The following RPRD2 variants were observed in gnomAD, a reference collection of about 807,000 sequenced individuals.
The protein encoded by RPRD2 is regulation of nuclear pre-mRNA domain containing 2, also known as regulation of nuclear pre-mRNA domain-containing protein 2.
Under a neutral mutation model 104.4 loss-of-function variants are expected in RPRD2, and 12 were observed. That is an observed-to-expected ratio of 0.11 (90% CI 0.07 to 0.19). The LOEUF is 0.19. Among genes scored for constraint, RPRD2 ranks in the 10% least tolerant of loss-of-function variants. The probability of loss-of-function intolerance (pLI) is 1.00; values close to 1 mark genes in which losing one functional copy is unlikely to be tolerated. For synonymous variants in RPRD2, 714 were observed against 684.9 expected (o/e 1.04, Z -0.66); for missense variants, 1,543 against 1,790.1 (o/e 0.86, Z 2.49).
At chr1:150,450,126 A>G (rs34933405) in intron 7 of RPRD2, among the ~76,000 whole-genome samples, 33,724 of 152,036 alleles carry the variant, frequency 0.22, 4,246 homozygotes, top group African/African-American at 0.32. Context: ...GAAAGAGTTC[A>G]ATTTTCTGGT....
intron 2 of RPRD2, among the ~76,000 whole-genome samples, chr1:150,421,517 AT>A (rs1466681112): frequency 2.6e-5 from 4 of 152,116 alleles, no homozygotes; most frequent in South Asian, 2.1e-4. Flanking sequence ...ATCCAAGGTA[AT>A]TTTTTTTAAG....
At chr1:150,407,505 G>A (rs1390682359) in intron 1 of RPRD2, among the ~76,000 whole-genome samples, 5 of 152,138 alleles carry the variant, frequency 3.3e-5, no homozygotes, top group African/African-American at 1.2e-4. Flanking sequence ...TCAGCCTAAC[G>A]TATGTGACCA....
intron 1 of RPRD2, among the ~76,000 whole-genome samples, chr1:150,416,479 T>C (rs1259709376): frequency 3.3e-5 from 5 of 152,046 alleles, no homozygotes; most frequent in African/African-American, 7.2e-5. Flanking sequence ...ATCATCCATA[T>C]AGACATTGAA....
intron 1 of RPRD2, among the ~76,000 whole-genome samples, chr1:150,376,582 GC>G (rs1199456559): frequency 1.3e-5 from 2 of 150,934 alleles, no homozygotes; most frequent in Admixed American, 1.3e-4. Flanking sequence ...CTCACTGCAA[GC>G]TCCGCCTCCC....
At chr1:150,446,951 T>G (rs941124332) in intron 7 of RPRD2, among the ~76,000 whole-genome samples, 4 of 150,858 alleles carry the variant, frequency 2.7e-5, no homozygotes, top group Non-Finnish European at 5.9e-5. Flanking sequence ...TTCTCCTGCC[T>G]TAGCCCCGCT....
At chr1:150,436,494 C>T (rs782652492) in intron 2 of RPRD2, among the ~76,000 whole-genome samples, 8 of 151,738 alleles carry the variant, frequency 5.3e-5, no homozygotes, top group Non-Finnish European at 4.4e-5. Context: ...CCAGCTACTC[C>T]GGAGGCTGAG....
intron 2 of RPRD2, among the ~76,000 whole-genome samples, chr1:150,425,138 C>T (rs587608094): frequency 6.6e-6 from 1 of 152,198 alleles, no homozygotes; most frequent in East Asian, 1.9e-4. Flanking sequence ...AGTAATAGTA[C>T]ATACTTCATA....
intron 1 of RPRD2, among the ~76,000 whole-genome samples, chr1:150,374,563 C>CA (rs1660560306): frequency 1.3e-5 from 2 of 152,096 alleles, no homozygotes; most frequent in South Asian, 4.2e-4. Flanking sequence ...ACTGAGCACT[C>CA]AGTCTGTGGG....
intron 1 of RPRD2, among the ~76,000 whole-genome samples, chr1:150,371,995 A>T (rs1015177530): frequency 1.4e-5 from 2 of 147,292 alleles, no homozygotes; most frequent in African/African-American, 2.7e-5. Flanking sequence ...TTGATTAATT[A>T]AAAAAAGGGA....
intron 1 of RPRD2, among the ~76,000 whole-genome samples, chr1:150,373,365 A>G (rs1481871353): frequency 2.0e-5 from 3 of 151,916 alleles, no homozygotes; most frequent in African/African-American, 2.4e-5. Context: ...AGGGATACCA[A>G]TTAGATGGCT....
intron 1 of RPRD2, among the ~76,000 whole-genome samples, chr1:150,390,512 T>A (rs1553882952): frequency 6.6e-6 from 1 of 150,696 alleles, no homozygotes; most frequent in African/African-American, 2.4e-5. Context: ...AATAAATAAA[T>A]AAATAAATAA....
At chr1:150,442,204 T>C (rs1388870359) in intron 4 of RPRD2, among the ~76,000 whole-genome samples, 2 of 151,430 alleles carry the variant, frequency 1.3e-5, no homozygotes, top group Non-Finnish European at 2.9e-5. Flanking sequence ...TGAGTGAAGA[T>C]TCAAGAGTAG....
At chr1:150,469,285 T>A (rs970269747) in intron 10 of RPRD2, among the ~76,000 whole-genome samples, 1 of 152,166 alleles carries the variant, frequency 6.6e-6, no homozygotes, top group South Asian at 2.1e-4. Flanking sequence ...TTTAATTAAT[T>A]TATTTTTAAA....
At chr1:150,450,433 C>T (rs587744388) in intron 7 of RPRD2, among the ~76,000 whole-genome samples, 2 of 151,018 alleles carry the variant, frequency 1.3e-5, no homozygotes, top group African/African-American at 2.4e-5. Flanking sequence ...GGTGAAACCC[C>T]GTCTCTACTA....
intron 1 of RPRD2, among the ~76,000 whole-genome samples, chr1:150,371,342 CAG>C (rs782759113): frequency 2.1e-4 from 32 of 152,280 alleles, no homozygotes; most frequent in Non-Finnish European, 2.6e-4. Context: ...GATTAGAAAA[CAG>C]AGGCACAAAG....
intron 2 of RPRD2, among the ~76,000 whole-genome samples, chr1:150,436,646 T>C (rs893880455): frequency 2.0e-5 from 3 of 151,284 alleles, no homozygotes; most frequent in African/African-American, 7.3e-5. Context: ...CTCACACCTG[T>C]AATCCCAGCA....
chr1:150,400,710 C>T (rs375843559), intron 1 of RPRD2, among the ~76,000 whole-genome samples: 8 of 152,020 alleles, frequency 5.3e-5, no homozygotes, highest in Middle Eastern at 3.2e-3. Flanking sequence ...CTTCCTTTTC[C>T]GCTGTTCTTA....
chr1:150,379,204 A>T (rs587771849), intron 1 of RPRD2, among the ~76,000 whole-genome samples: 1 of 150,104 alleles, frequency 6.7e-6, no homozygotes, highest in East Asian at 2.0e-4. Flanking sequence ...AATTGCTTGA[A>T]CCTGGGAGGC....
Position 150,475,511 on chromosome 1 carries a change from TGAAAG to T in RPRD2, c.*2181_*2185del, listed in dbSNP as rs1229588244. On this transcript the variant is annotated 3_prime_UTR_variant, in exon 11 of 11. Coordinates refer to ENST00000369068, the MANE Select transcript of RPRD2 (RefSeq NM_015203.5). ...CCTCAAAAGTATGATGGTTAATACATGAAAGGAAGACTTTGTTGGACAGTTTCGAA... is the reference window on the plus strand; with the variant it reads ...CCTCAAAAGTATGATGGTTAATACATGAAGACTTTGTTGGACAGTTTCGAA... 1 of 152,606 alleles carries T rather than the reference TGAAAG, an allele frequency of 6.6e-6. No individual in the cohort carries two copies. Among genetic ancestry groups the T allele is most frequent in the Non-Finnish European group, 1.5e-5 (1 of 68,040 alleles). 9.5% of individuals were successfully genotyped at this position (152,606 alleles called of 1,614,324 possible). A position where few individuals can be genotyped will look rare whatever the true frequency, so the allele number is the denominator to read the frequency against.
Sources: allele counts gnomAD v4.1 joint callset (sites outside exome capture counted in the v4.1 genomes callset), GRCh38; gene constraint gnomAD v4.1.1; transcripts MANE v1.5; gene names NCBI Gene and HGNC (gene_info 2026-07-23, HGNC 2026-07-21).